The following PPP3CA variants were observed in gnomAD, a reference collection of about 807,000 sequenced individuals.
The protein encoded by PPP3CA is protein phosphatase 3 catalytic subunit alpha.
In PPP3CA, 14 loss-of-function variants were observed where a neutral mutation model predicts 66.5. That is an observed-to-expected ratio of 0.21 (90% CI 0.14 to 0.33). The LOEUF (loss-of-function observed/expected upper bound fraction) is 0.33, where lower values mean the gene tolerates loss of function less well. PPP3CA is among the 10% of genes least tolerant of loss of function. The pLI is 1.00. For missense variants in PPP3CA, 317 were observed against 639.5 expected (o/e 0.50, Z 5.44); for synonymous variants, 232 against 226.2 (o/e 1.03, Z -0.23).
At chr4:101,308,226 C>T (rs572291699) in intron 1 of PPP3CA, among the ~76,000 whole-genome samples, 4 of 152,036 alleles carry the variant, frequency 2.6e-5, no homozygotes, top group African/African-American at 9.7e-5. Flanking sequence ...TTTTCACATA[C>T]AAAAATCTTC....
At chr4:101,163,187 G>A (rs890225716) in intron 2 of PPP3CA, among the ~76,000 whole-genome samples, 3 of 152,140 alleles carry the variant, frequency 2.0e-5, no homozygotes, top group Non-Finnish European at 2.9e-5. Context: ...ATTTGTGCAT[G>A]GCAGTTTCCT....
chr4:101,077,472 GC>G (rs1334662818), intron 8 of PPP3CA, among the ~76,000 whole-genome samples: 4 of 152,170 alleles, frequency 2.6e-5, no homozygotes, highest in African/African-American at 9.6e-5. Flanking sequence ...TTATTACACT[GC>G]TTTTAAAAAT....
At chr4:101,230,786 C>T (rs1442380976) in intron 1 of PPP3CA, among the ~76,000 whole-genome samples, 4 of 151,692 alleles carry the variant, frequency 2.6e-5, no homozygotes, top group African/African-American at 9.7e-5. Flanking sequence ...ACCCAATCTG[C>T]TTTCTAGTCT....
At chr4:101,250,973 C>T (rs2110244448) in intron 1 of PPP3CA, among the ~76,000 whole-genome samples, 1 of 152,122 alleles carries the variant, frequency 6.6e-6, no homozygotes, top group African/African-American at 2.4e-5. Context: ...AAAGGTTGTT[C>T]TTTATTTCAA....
At chr4:101,336,415 C>CA (rs1330162823) in intron 1 of PPP3CA, among the ~76,000 whole-genome samples, 1 of 151,250 alleles carries the variant, frequency 6.6e-6, no homozygotes, top group Admixed American at 6.6e-5. Flanking sequence ...ACTAAAAATA[C>CA]AAAAAAATTA....
intron 1 of PPP3CA, among the ~76,000 whole-genome samples, chr4:101,346,095 A>ACCGCCC (rs533434110): frequency 9.1e-4 from 135 of 149,148 alleles, no homozygotes; most frequent in African/African-American, 2.5e-3. Flanking sequence ...CCAGCCAGCG[A>ACCGCCC]CCGCCCCCGC....
At chr4:101,250,087 T>C (rs1305558931) in intron 1 of PPP3CA, among the ~76,000 whole-genome samples, 2 of 152,212 alleles carry the variant, frequency 1.3e-5, no homozygotes, top group African/African-American at 2.4e-5. Context: ...GAGTGCTTCG[T>C]GGTTCAGTTT....
At chr4:101,072,482 T>C (rs1297179878) in intron 8 of PPP3CA, among the ~76,000 whole-genome samples, 2 of 152,192 alleles carry the variant, frequency 1.3e-5, no homozygotes, top group African/African-American at 4.8e-5. Context: ...GGGAAAAATA[T>C]GCAGTTCCTT....
In PPP3CA at chr4:101,292,903, C is replaced by G. The variant is rs142847919; in HGVS notation, c.58+53836G>C. ...TTTTTCCACATGACAATCTTATGTA[C>G]TATATCACATAATGTAAATTATTTT... On this transcript the variant is annotated intron_variant, in intron 1 of 13. Coordinates refer to ENST00000394854, the MANE Select transcript of PPP3CA (RefSeq NM_000944.5). 4.0e-3 allele frequency among the ~76,000 whole-genome samples: 602 copies of G among 152,302 alleles called. 4 individuals are homozygous for G. The highest frequency in any genetic ancestry group is 0.02 in the Middle Eastern group (6 of 294).
At chr4:101,173,403 C>T (rs1255450770) in intron 2 of PPP3CA, among the ~76,000 whole-genome samples, 2 of 150,402 alleles carry the variant, frequency 1.3e-5, no homozygotes, top group Admixed American at 6.7e-5. Flanking sequence ...CTTTAGAGGG[C>T]TTTTTTTTTC....
At chr4:101,236,032 GAAA>G (rs57824125) in intron 1 of PPP3CA, among the ~76,000 whole-genome samples, 1 of 139,554 alleles carries the variant, frequency 7.2e-6, no homozygotes, top group African/African-American at 2.6e-5. Context: ...GCCAAGCTCT[GAAA>G]AAAAAAAAGA....
intron 1 of PPP3CA, among the ~76,000 whole-genome samples, chr4:101,268,389 T>C (rs1224805783): frequency 6.6e-6 from 1 of 152,120 alleles, no homozygotes; most frequent in Non-Finnish European, 1.5e-5. Context: ...TGGTACACAG[T>C]AATTCGTAGG....
intron 8 of PPP3CA, among the ~76,000 whole-genome samples, chr4:101,077,828 T>TG (rs1198533477): frequency 6.6e-6 from 1 of 151,752 alleles, no homozygotes; most frequent in African/African-American, 2.4e-5. Flanking sequence ...GTATCTGTTT[T>TG]TTTTTTTTTT....
intron 2 of PPP3CA, among the ~76,000 whole-genome samples, chr4:101,191,786 G>A (rs993458954): frequency 1.3e-5 from 2 of 152,096 alleles, no homozygotes; most frequent in Non-Finnish European, 2.9e-5. Flanking sequence ...CCTTAAACTT[G>A]GCCACCAGTC....
intron 1 of PPP3CA, among the ~76,000 whole-genome samples, chr4:101,343,730 T>C (rs1487365726): frequency 6.6e-6 from 1 of 152,134 alleles, no homozygotes; most frequent in Non-Finnish European, 1.5e-5. Flanking sequence ...ATTTTTAAGG[T>C]TTAGAAAACC....
intron 1 of PPP3CA, chr4:101,240,931 C>T (rs997090540): frequency 2.6e-5 from 4 of 152,004 alleles, no homozygotes; most frequent in Non-Finnish European, 5.9e-5. Flanking sequence ...GACAGTCTTG[C>T]TCTGTCATCC....
intron 1 of PPP3CA, among the ~76,000 whole-genome samples, chr4:101,340,735 G>T (rs140909093): frequency 1.3e-5 from 2 of 152,220 alleles, no homozygotes; most frequent in Non-Finnish European, 2.9e-5. Flanking sequence ...CCTAATGACT[G>T]CTTTAAAAAT....
intron 1 of PPP3CA, among the ~76,000 whole-genome samples, chr4:101,200,451 G>A (rs1445575142): frequency 6.6e-6 from 1 of 151,970 alleles, no homozygotes; most frequent in Non-Finnish European, 1.5e-5. Context: ...ATGTAACCTG[G>A]GATGTATAAA....
intron 1 of PPP3CA, among the ~76,000 whole-genome samples, chr4:101,345,675 G>A (rs963601778): frequency 2.6e-5 from 4 of 152,242 alleles, no homozygotes; most frequent in Middle Eastern, 3.4e-3. Context: ...GGAATACAAG[G>A]AGGCCGATAG....
Sources: gnomAD v4.1 joint callset for allele counts (sites outside exome capture counted in the v4.1 genomes callset) on GRCh38, gnomAD v4.1.1 for gene constraint, MANE v1.5 for transcripts, NCBI Gene and HGNC (gene_info 2026-07-23, HGNC 2026-07-21) for gene names.